The following RAB28 variants were observed in gnomAD, a reference collection of about 807,000 sequenced individuals.
RAB28 encodes ras-related protein Rab-28.
Under a neutral mutation model 31.7 loss-of-function variants are expected in RAB28, and 24 were observed. The observed-to-expected ratio is 0.76, with a 90% CI of 0.55 to 1.06. The LOEUF (loss-of-function observed/expected upper bound fraction) is 1.06. RAB28 is among the 50% of genes least tolerant of loss of function. RAB28 has a pLI of 0.00. For missense variants in RAB28, 254 were observed against 258.5 expected (o/e 0.98, Z 0.12); for synonymous variants, 100 against 90.4 (o/e 1.11, Z -0.60).
chr4:13,418,262 C>G (rs573780759), intron 4 of RAB28, among the ~76,000 whole-genome samples: 180 of 151,998 alleles, frequency 1.2e-3, no homozygotes, highest in Non-Finnish European at 1.2e-3. Context: ...GTGAAAAGAC[C>G]AAATCTACAT....
In RAB28 at chr4:13,484,293, G is replaced by A. The variant is rs1176694763; in HGVS notation, c.-143C>T. The A allele has an allele frequency of 6.1e-6, 4 of 659,842 alleles. No homozygotes were observed. The highest frequency in any genetic ancestry group is 1.7e-5 in the South Asian group (1 of 59,122). The allele number at this position is 659,842 out of a possible 1,614,324, so 40.9% of individuals were successfully genotyped here. On this transcript the variant is annotated 5_prime_UTR_variant, in exon 1 of 7. Coordinates refer to ENST00000330852, the MANE Select transcript of RAB28 (RefSeq NM_001017979.3). Reference sequence around the variant, plus strand: ...CTCCGCGCCGGCAGGAGGTATTCGAGGAGAATCACTCGGCAAGCGCCATCT... The same window carrying A: ...CTCCGCGCCGGCAGGAGGTATTCGAAGAGAATCACTCGGCAAGCGCCATCT...
chr4:13,394,990 T>C (rs1729809643), intron 4 of RAB28, among the ~76,000 whole-genome samples: 1 of 152,156 alleles, frequency 6.6e-6, no homozygotes, highest in Non-Finnish European at 1.5e-5. Flanking sequence ...AGGTTTAGAA[T>C]GACTTAACGA....
At position 13,372,788 on chromosome 4, in the gene RAB28, T is replaced by C. The variant is rs145439818; in HGVS notation, c.573+3757A>G. ...GCTAAAAAGCAGAAAGGATTCTTAA[T>C]ACCAAAGGTTAAATGGGTACTTGTA... On this transcript the variant is annotated intron_variant, in intron 6 of 6. Transcript: ENST00000330852. Among the ~76,000 whole-genome samples the C allele has an allele frequency of 3.9e-3, 599 of 152,140 alleles. 4 individuals carry two copies. The highest frequency in any genetic ancestry group is 0.014 in the African/African-American group (573 of 41,518).
chr4:13,393,652 T>C (rs1337255870), intron 4 of RAB28, among the ~76,000 whole-genome samples: 1 of 151,794 alleles, frequency 6.6e-6, no homozygotes. Context: ...CTCCTATAGG[T>C]TTTCTGATTA....
intron 4 of RAB28, among the ~76,000 whole-genome samples, chr4:13,428,842 C>T (rs11731895): frequency 0.056 from 8,515 of 150,940 alleles, 547 homozygotes; most frequent in African/African-American, 0.16. Context: ...TTTACACCTA[C>T]ATATATCATA....
At position 13,376,533 on chromosome 4, in the gene RAB28, C is replaced by G. The variant is rs751745990; in HGVS notation, c.573+12G>C. The G allele has an allele frequency of 6.4e-6, 10 of 1,568,940 alleles. No individual in the cohort carries two copies. The highest frequency in any genetic ancestry group is 5.8e-5 in the Admixed American group (3 of 51,396). ...TCATTAATTTTTTAAATATAAAGTT[C>G]AAGGTAATCACCTGTGACTGTTCTA... On this transcript the variant is annotated intron_variant, in intron 6 of 6. Transcript: ENST00000330852.
chr4:13,447,791 T>C (rs1714774016), intron 4 of RAB28, among the ~76,000 whole-genome samples: 1 of 152,146 alleles, frequency 6.6e-6, no homozygotes. Context: ...AACAGGATCT[T>C]AATAATCTAA....
At chr4:13,438,282 T>A (rs1015386703) in intron 4 of RAB28, among the ~76,000 whole-genome samples, 1 of 152,208 alleles carries the variant, frequency 6.6e-6, no homozygotes, top group East Asian at 1.9e-4. Flanking sequence ...AATTGAGACA[T>A]AATTCACATA....
At chr4:13,405,523 C>T (rs938297691) in intron 4 of RAB28, among the ~76,000 whole-genome samples, 1 of 152,152 alleles carries the variant, frequency 6.6e-6, no homozygotes, top group Non-Finnish European at 1.5e-5. Flanking sequence ...AGACTCCTTT[C>T]ACTGACTACA....
intron 4 of RAB28, among the ~76,000 whole-genome samples, chr4:13,437,778 A>G (rs1296139793): frequency 6.6e-6 from 1 of 152,202 alleles, no homozygotes; most frequent in Non-Finnish European, 1.5e-5. Context: ...CCTCTACAGA[A>G]AACTGTACAG....
At chr4:13,403,043 C>A (rs2108902102) in intron 4 of RAB28, among the ~76,000 whole-genome samples, 1 of 152,270 alleles carries the variant, frequency 6.6e-6, no homozygotes, top group South Asian at 2.1e-4. Flanking sequence ...TATCCACCCA[C>A]CTCGGCCTGC....
At chr4:13,369,800 A>G in intron 6 of RAB28, 6 of 1,370,534 alleles carry the variant, frequency 4.4e-6, no homozygotes, top group Non-Finnish European at 5.9e-6. Context: ...CATAGGGAAT[A>G]AAGAACAAGA....
intron 4 of RAB28, among the ~76,000 whole-genome samples, chr4:13,434,971 A>T (rs2108934746): frequency 6.7e-6 from 1 of 149,396 alleles, no homozygotes; most frequent in Non-Finnish European, 1.5e-5. Flanking sequence ...GTGAGCCGAG[A>T]TCACGCCACT....
chr4:13,478,500 TG>T lies in RAB28; in HGVS notation c.172+929del, dbSNP rs11335079. On this transcript the variant is annotated intron_variant, in intron 2 of 6. Coordinates refer to ENST00000330852, the MANE Select transcript of RAB28 (RefSeq NM_001017979.3). The stretch of plus-strand genomic sequence containing the variant: ...CTTTCATGGGGAGTTGTCTGATAGA[TG>T]GGGTGTCTGAGAGGTTAACATATTT... Among the ~76,000 whole-genome samples the T allele has an allele frequency of 9.7e-3, 1,473 of 151,650 alleles. 25 individuals carry two copies. Among genetic ancestry groups the T allele is most frequent in the African/African-American group, 0.034 (1,393 of 41,498 alleles).
intron 4 of RAB28, among the ~76,000 whole-genome samples, chr4:13,415,135 T>C (rs750434924): frequency 1.2e-4 from 18 of 152,226 alleles, no homozygotes; most frequent in Non-Finnish European, 2.4e-4. Flanking sequence ...AATGACATCA[T>C]CAAAAGAGAC....
intron 4 of RAB28, among the ~76,000 whole-genome samples, chr4:13,454,022 A>AT (rs796236948): frequency 5.8e-4 from 87 of 150,986 alleles, no homozygotes; most frequent in African/African-American, 1.9e-3. Context: ...CATTTTCTTC[A>AT]TTTTTTTTCT....
At chr4:13,378,219 G>A (rs1047323208) in intron 5 of RAB28, among the ~76,000 whole-genome samples, 1 of 152,198 alleles carries the variant, frequency 6.6e-6, no homozygotes, top group Non-Finnish European at 1.5e-5. Flanking sequence ...AGTAGTTAGT[G>A]AAGCAGGAAG....
rs756481392 is a variant in RAB28, at chr4:13,484,305, G to A, written c.-155C>T. 1.1e-4 allele frequency: 71 copies of A among 633,282 alleles called. No individual in the cohort carries two copies. The highest frequency in any genetic ancestry group is 2.3e-4 in the South Asian group (13 of 56,672). The allele number at this position is 633,282 out of a possible 1,614,324, so 39.2% of individuals were successfully genotyped here. On this transcript the variant is annotated 5_prime_UTR_variant, in exon 1 of 7. Coordinates refer to ENST00000330852, the MANE Select transcript of RAB28 (RefSeq NM_001017979.3). The stretch of plus-strand genomic sequence containing the variant: ...AGGAGGTATTCGAGGAGAATCACTC[G>A]GCAAGCGCCATCTTGCCCACCTCCC...
At chr4:13,440,815 T>C (rs1714374296) in intron 4 of RAB28, among the ~76,000 whole-genome samples, 1 of 151,650 alleles carries the variant, frequency 6.6e-6, no homozygotes, top group Non-Finnish European at 1.5e-5. Flanking sequence ...CCTAATTCAC[T>C]ATGACTAGCG....
Sources: gnomAD v4.1 joint callset for allele counts (sites outside exome capture counted in the v4.1 genomes callset) on GRCh38, gnomAD v4.1.1 for gene constraint, MANE v1.5 for transcripts, NCBI Gene and HGNC (gene_info 2026-07-23, HGNC 2026-07-21) for gene names.